RELN: variants seen among roughly 807,000 people sequenced by gnomAD.
RELN encodes the protein reelin.
In RELN, 108 loss-of-function variants were observed where a neutral mutation model predicts 427.6. The observed-to-expected ratio is 0.25, with a 90% CI of 0.22 to 0.30. The LOEUF is 0.30. Ranked by LOEUF, RELN falls within the 10% of genes least tolerant of loss-of-function variation. The pLI is 1.00. For missense variants in RELN, 3,715 were observed against 4,302.8 expected, an observed-to-expected ratio of 0.86 and a Z score of 3.82; for synonymous variants, 1,524 against 1,513.4, an observed-to-expected ratio of 1.01 and a Z score of -0.16.
intron 8 of RELN, among the ~76,000 whole-genome samples, chr7:103,708,719 T>G (rs1789708116): frequency 6.6e-6 from 1 of 152,068 alleles, no homozygotes; most frequent in South Asian, 2.1e-4. Flanking sequence ...CGTCTTGGCC[T>G]CCCAAAGTGC....
chr7:103,690,352 C>T (rs1833848035), intron 10 of RELN, among the ~76,000 whole-genome samples: 2 of 151,968 alleles, frequency 1.3e-5, no homozygotes, highest in Non-Finnish European at 2.9e-5. Context: ...AGAGCTGGTG[C>T]ACTAGATGTT....
chr7:103,509,934 T>C (rs544007991), intron 51 of RELN, among the ~76,000 whole-genome samples: 4 of 152,072 alleles, frequency 2.6e-5, no homozygotes, highest in Admixed American at 2.0e-4. Flanking sequence ...CAAAACCACA[T>C]TGAGATACCA....
chr7:103,713,296 T>C (rs1178677254), intron 8 of RELN, among the ~76,000 whole-genome samples: 1 of 152,138 alleles, frequency 6.6e-6, no homozygotes, highest in African/African-American at 2.4e-5. Context: ...CAGCATTTGG[T>C]ATAGAAAGAT....
chr7:103,691,847 A>G (rs1833880050), intron 10 of RELN, among the ~76,000 whole-genome samples: 1 of 152,080 alleles, frequency 6.6e-6, no homozygotes, highest in South Asian at 2.1e-4. Context: ...TAAAAAGAAA[A>G]AATCATTTGT....
At position 103,478,370 on chromosome 7, in the gene RELN, T is replaced by C. The variant is rs1370737179; in HGVS notation, c.10286+19A>G. 1 of 758,034 alleles carries C rather than the reference T, an allele frequency of 1.3e-6. No homozygotes were observed. The highest frequency in any genetic ancestry group is 2.4e-5 in the East Asian group (1 of 41,012). 47.0% of individuals were successfully genotyped at this position (758,034 alleles called of 1,614,324 possible). A position where few individuals can be genotyped will look rare whatever the true frequency, so the allele number is the denominator to read the frequency against. Reference sequence around the variant, plus strand: ...AACTATTAGTAAACAGTTCCCCAGATTTAGTAAGGAGGACTTACCTTACTC... The same window carrying C: ...AACTATTAGTAAACAGTTCCCCAGACTTAGTAAGGAGGACTTACCTTACTC... On this transcript the variant is annotated intron_variant, in intron 64 of 64. Coordinates refer to ENST00000428762, the MANE Select transcript of RELN (RefSeq NM_005045.4).
chr7:103,521,589 T>C (rs1322459473), intron 48 of RELN, among the ~76,000 whole-genome samples: 4 of 152,116 alleles, frequency 2.6e-5, no homozygotes, highest in Admixed American at 6.5e-5. Flanking sequence ...AGCTCAGGAG[T>C]TGTCAATTAG....
At chr7:103,908,264 A>T (rs781026969) in intron 2 of RELN, among the ~76,000 whole-genome samples, 3 of 152,160 alleles carry the variant, frequency 2.0e-5, no homozygotes, top group Non-Finnish European at 4.4e-5. Context: ...TCACTGGAAC[A>T]ATCTTCTCAT....
intron 19 of RELN, among the ~76,000 whole-genome samples, 192 bp from the exon 20 acceptor site, chr7:103,630,368 C>A (rs548118786): frequency 6.6e-6 from 1 of 152,254 alleles, no homozygotes; most frequent in African/African-American, 2.4e-5. Flanking sequence ...CAAAATGTAA[C>A]TTTGCTTTCA....
chr7:103,536,925 A>C (rs1830065817), intron 45 of RELN, among the ~76,000 whole-genome samples: 1 of 152,194 alleles, frequency 6.6e-6, no homozygotes, highest in Non-Finnish European at 1.5e-5. Flanking sequence ...ACACAGTTCC[A>C]GCTTTCTATA....
intron 19 of RELN, among the ~76,000 whole-genome samples, chr7:103,635,178 A>G (rs558975190): frequency 1.4e-4 from 21 of 152,252 alleles, no homozygotes; most frequent in South Asian, 1.2e-3. Context: ...CTTGATGCTT[A>G]TAAGCATCAA....
At chr7:103,618,022 C>G (rs1431452913) in intron 20 of RELN, among the ~76,000 whole-genome samples, 1 of 152,116 alleles carries the variant, frequency 6.6e-6, no homozygotes, top group Non-Finnish European at 1.5e-5. Flanking sequence ...AGGCAAATGT[C>G]GGCACTGTAC....
chr7:103,577,018 T>G (rs1831019475), intron 28 of RELN, among the ~76,000 whole-genome samples: 1 of 152,232 alleles, frequency 6.6e-6, no homozygotes, highest in Non-Finnish European at 1.5e-5. Context: ...TATCTCTTCC[T>G]TCTCAGTTCC....
intron 3 of RELN, among the ~76,000 whole-genome samples, chr7:103,815,709 A>C (rs1271903764): frequency 6.6e-6 from 1 of 152,112 alleles, no homozygotes; most frequent in Non-Finnish European, 1.5e-5. Flanking sequence ...ACAAATGTCT[A>C]TCCCCCAAAG....
intron 11 of RELN, among the ~76,000 whole-genome samples, chr7:103,667,968 G>A (rs889205699): frequency 6.6e-6 from 1 of 152,202 alleles, no homozygotes; most frequent in Admixed American, 6.5e-5. Context: ...GGTGGCTCAT[G>A]CCTGTAATCC....
At chr7:103,883,189 A>G (rs191375145) in intron 2 of RELN, among the ~76,000 whole-genome samples, 10 of 152,226 alleles carry the variant, frequency 6.6e-5, no homozygotes, top group African/African-American at 2.4e-4. Flanking sequence ...TAAAAACCAC[A>G]TGATTATCTC....
In RELN at chr7:103,917,201, G is replaced by T; in HGVS notation, c.227-16C>A. 1.4e-6 allele frequency: 2 copies of T among 1,457,228 alleles called. No homozygotes were observed. The highest frequency in any genetic ancestry group is 2.5e-5 in the South Asian group (2 of 79,402). The allele number at this position is 1,457,228 out of a possible 1,614,324, so 90.3% of individuals were successfully genotyped here. ...GAAATTGTCACTGAAATGTAAGAAA[G>T]AAAAAAAAAACTCTCAATACAGTCA... On this transcript the variant is annotated splice_polypyrimidine_tract_variant and intron_variant, in intron 1 of 64. Coordinates refer to ENST00000428762, the MANE Select transcript of RELN (RefSeq NM_005045.4).
intron 10 of RELN, among the ~76,000 whole-genome samples, chr7:103,682,885 A>G (rs1268834816): frequency 3.3e-5 from 5 of 152,224 alleles, no homozygotes; most frequent in Non-Finnish European, 7.3e-5. Flanking sequence ...CCAAAAGAAC[A>G]CATAAAAAAT....
At chr7:103,589,547 G>A (rs184515000) in intron 28 of RELN, 49 bp downstream of exon 28, 2 of 1,199,944 alleles carry the variant, frequency 1.7e-6, no homozygotes, top group East Asian at 2.3e-5. Context: ...TAGCATTTGG[G>A]ACTGTGTCTT....
intron 64 of RELN, among the ~76,000 whole-genome samples, chr7:103,474,353 A>C (rs1226235186): frequency 6.6e-6 from 1 of 152,188 alleles, no homozygotes; most frequent in Non-Finnish European, 1.5e-5. Flanking sequence ...GCTAGATTTC[A>C]ATAATATCAA....
Sources: allele counts gnomAD v4.1 joint callset (sites outside exome capture counted in the v4.1 genomes callset), GRCh38; gene constraint gnomAD v4.1.1; transcripts MANE v1.5; gene names NCBI Gene and HGNC (gene_info 2026-07-23, HGNC 2026-07-21).